The following PIR variants were observed in gnomAD, a reference collection of about 807,000 sequenced individuals.
PIR encodes pirin, also known as pirin (iron-binding nuclear protein).
In PIR, 22 loss-of-function variants were observed where a neutral mutation model predicts 24.2. The observed-to-expected ratio is 0.91, with a 90% CI of 0.65 to 1.30. The LOEUF (loss-of-function observed/expected upper bound fraction) is 1.30. Among genes scored for constraint, PIR ranks in the 50% most tolerant of loss-of-function variants. PIR has a pLI of 0.00. For missense variants in PIR, 220 were observed against 220.3 expected, an observed-to-expected ratio of 1.00 and a Z score of 0.01; for synonymous variants, 80 against 79.6, an observed-to-expected ratio of 1.00 and a Z score of -0.03.
chrX:15,403,603 T>A (rs1045898338), intron 7 of PIR, among the ~76,000 whole-genome samples: 3 of 111,304 alleles, frequency 2.7e-5, no homozygotes, highest in East Asian at 2.8e-4. Context: ...TTTTTTTTTT[T>A]ATCATATGAT....
intron 6 of PIR, among the ~76,000 whole-genome samples, chrX:15,424,622 TC>T (rs1266738990): frequency 1.8e-5 from 2 of 112,063 alleles, no homozygotes; most frequent in Admixed American, 1.9e-4. Context: ...ACTGACTTGA[TC>T]TTTACAAATT....
intron 7 of PIR, among the ~76,000 whole-genome samples, chrX:15,400,556 T>C (rs1036344210): frequency 1.8e-5 from 2 of 111,012 alleles, no homozygotes; most frequent in Non-Finnish European, 3.8e-5. Context: ...GGGAGCTTGC[T>C]TGACTATGGT....
intron 2 of PIR, among the ~76,000 whole-genome samples, chrX:15,481,289 T>C (rs1271813446): frequency 8.9e-6 from 1 of 112,446 alleles, no homozygotes; most frequent in African/African-American, 3.2e-5. Context: ...AAATGAGAGG[T>C]AGAAACATAT....
intron 6 of PIR, among the ~76,000 whole-genome samples, chrX:15,408,309 TG>T (rs1924615674): frequency 9.0e-6 from 1 of 111,489 alleles, no homozygotes; most frequent in East Asian, 2.8e-4. Context: ...AGTTGCATTC[TG>T]GTTCCAGTGA....
chrX:15,459,810 C>T, intron 3 of PIR, 70 bp from the exon 4 acceptor site: 1 of 596,622 alleles, frequency 1.7e-6, no homozygotes, highest in Non-Finnish European at 2.9e-6. Flanking sequence ...ATTTAATTAT[C>T]CCTACTGACT....
chrX:15,484,495 TG>T (rs1265011768), intron 2 of PIR, among the ~76,000 whole-genome samples: 1 of 108,363 alleles, frequency 9.2e-6, no homozygotes, highest in African/African-American at 3.4e-5. Context: ...TTGTATTTTT[TG>T]TAAAGACGAG....
At chrX:15,441,103 ATCCAG>A (rs1569203166) in intron 5 of PIR, among the ~76,000 whole-genome samples, 2 of 111,932 alleles carry the variant, frequency 1.8e-5, no homozygotes, top group African/African-American at 3.2e-5. Flanking sequence ...ATGGAGCCAC[ATCCAG>A]TCCAGGGGAG....
rs745607073 is a variant in PIR at position 15,491,378 on chromosome X, GAT to G, written c.-52-71_-52-70del. 41 of 457,839 alleles carry G rather than the reference GAT, an allele frequency of 9.0e-5. No individual in the cohort carries two copies. The African/African-American group carries it at 9.1e-4, about 10-fold the overall frequency. The allele number at this position is 457,839 out of a possible 1,213,427, so 37.7% of individuals were successfully genotyped here. On this transcript the variant is annotated intron_variant, in intron 1 of 9. Coordinates refer to ENST00000380420, the MANE Select transcript of PIR (RefSeq NM_001018109.3). The stretch of plus-strand genomic sequence containing the variant: ...AACATCCAAGGACTACAAAATAAAT[GAT>G]ATTAAGATTAGATGCGCAAAATAGT...
intron 8 of PIR, among the ~76,000 whole-genome samples, chrX:15,391,607 G>C (rs1298057450): frequency 2.7e-5 from 3 of 111,702 alleles, no homozygotes; most frequent in Non-Finnish European, 5.6e-5. Context: ...TGAAATTAAG[G>C]AGAACTGTAG....
intron 6 of PIR, among the ~76,000 whole-genome samples, chrX:15,422,687 A>C (rs1047838205): frequency 2.7e-5 from 3 of 111,874 alleles, no homozygotes; most frequent in African/African-American, 9.7e-5. Context: ...AAAGGACACA[A>C]AAAAAATTGA....
intron 6 of PIR, among the ~76,000 whole-genome samples, chrX:15,417,831 T>C (rs774981661): frequency 9.0e-6 from 1 of 111,589 alleles, no homozygotes; most frequent in South Asian, 3.8e-4. Flanking sequence ...ACTCCCTGTC[T>C]CCCTGTTTCT....
chrX:15,403,899 G>A (rs999802170), intron 7 of PIR, among the ~76,000 whole-genome samples: 9 of 110,943 alleles, frequency 8.1e-5, no homozygotes, highest in Non-Finnish European at 1.5e-4. Context: ...TCTTCAGGGT[G>A]TCATTAGAGG....
At chrX:15,387,287 G>C (rs1237938751) in intron 9 of PIR, among the ~76,000 whole-genome samples, 2 of 107,367 alleles carry the variant, frequency 1.9e-5, no homozygotes, top group Admixed American at 1.0e-4. Flanking sequence ...AGTAGAGATT[G>C]GGTTTCACCA....
intron 6 of PIR, among the ~76,000 whole-genome samples, chrX:15,408,249 A>G: frequency 9.0e-6 from 1 of 111,397 alleles, no homozygotes; most frequent in East Asian, 2.8e-4. Context: ...GAGCCACCGT[A>G]CCCGGCCTGC....
At chrX:15,389,689 C>T (rs1243269120) in intron 9 of PIR, among the ~76,000 whole-genome samples, 2 of 110,993 alleles carry the variant, frequency 1.8e-5, no homozygotes, top group African/African-American at 6.5e-5. Flanking sequence ...AGTACTATTT[C>T]GGCTATATCA....
intron 9 of PIR, among the ~76,000 whole-genome samples, chrX:15,389,695 T>C (rs760078141): frequency 3.3e-4 from 37 of 111,733 alleles, no homozygotes; most frequent in African/African-American, 1.2e-3. Context: ...ATTTCGGCTA[T>C]ATCAGTTACC....
chrX:15,428,044 T>C (rs746403854), intron 5 of PIR, among the ~76,000 whole-genome samples: 2 of 111,831 alleles, frequency 1.8e-5, no homozygotes, highest in African/African-American at 6.5e-5. Context: ...TGTCTCCAAT[T>C]GAAGCTTTGG....
At position 15,436,946 on chromosome X, in the gene PIR, G is replaced by C. The variant is rs760557399; in HGVS notation, c.481-10956C>G. Among the ~76,000 whole-genome samples the C allele has an allele frequency of 3.6e-5, 4 of 112,172 alleles. No individual in the cohort carries two copies. In the South Asian group the frequency reaches 1.5e-3, roughly 42 times the overall value. ...CACAGACAGGCAGGGGTGTCTGCTTGTACAGGCATGTGCCTGAAGGTACCC... is the reference window on the plus strand; with the variant it reads ...CACAGACAGGCAGGGGTGTCTGCTTCTACAGGCATGTGCCTGAAGGTACCC... On this transcript the variant is annotated intron_variant, in intron 5 of 9. Coordinates refer to ENST00000380420, the MANE Select transcript of PIR (RefSeq NM_001018109.3).
chrX:15,474,090 GA>G (rs1040619705), intron 3 of PIR, among the ~76,000 whole-genome samples: 14 of 110,115 alleles, frequency 1.3e-4, no homozygotes, highest in African/African-American at 4.0e-4. Flanking sequence ...AACGGACCAA[GA>G]AAAAAAAATG....
Sources: gnomAD v4.1 joint callset for allele counts (sites outside exome capture counted in the v4.1 genomes callset) on GRCh38, gnomAD v4.1.1 for gene constraint, MANE v1.5 for transcripts, NCBI Gene and HGNC (gene_info 2026-07-23, HGNC 2026-07-21) for gene names.